UEVLD: variants seen among roughly 807,000 people sequenced by gnomAD.
The protein encoded by UEVLD is ubiquitin-conjugating enzyme E2 variant 3.
UEVLD carries 47 observed loss-of-function variants against 58.6 expected under a neutral mutation model. The ratio of observed to expected loss-of-function variants is 0.80; its 90% CI spans 0.63 to 1.02. UEVLD has a LOEUF of 1.02. Among genes scored for constraint, UEVLD ranks in the 50% least tolerant of loss-of-function variants. The pLI is 0.00. For synonymous variants in UEVLD, 197 were observed against 195.3 expected, an observed-to-expected ratio of 1.01 and a Z score of -0.07; for missense variants, 510 against 550.6, an observed-to-expected ratio of 0.93 and a Z score of 0.74.
At chr11:18,546,199 C>T (rs1851296408) in intron 8 of UEVLD, among the ~76,000 whole-genome samples, 1 of 152,146 alleles carries the variant, frequency 6.6e-6, no homozygotes, top group Non-Finnish European at 1.5e-5. Context: ...GTTAAAAATG[C>T]ACTCTGGCAT....
chr11:18,536,374 T>C (rs1850794156), intron 10 of UEVLD, 32 bp downstream of exon 10: 2 of 1,601,822 alleles, frequency 1.2e-6, no homozygotes, highest in Middle Eastern at 1.7e-4. Context: ...TGATTTTTCG[T>C]TGGATAAATG....
intron 9 of UEVLD, among the ~76,000 whole-genome samples, chr11:18,541,846 G>A (rs1168504325): frequency 6.6e-6 from 1 of 152,166 alleles, no homozygotes; most frequent in East Asian, 1.9e-4. Context: ...GCTGTGGGGT[G>A]GGCCTGGGAG....
intron 4 of UEVLD, among the ~76,000 whole-genome samples, chr11:18,566,785 T>A (rs551203228): frequency 1.1e-4 from 17 of 152,308 alleles, no homozygotes; most frequent in African/African-American, 3.6e-4. Flanking sequence ...ATGCTTTTCA[T>A]GAAAAATTAC....
At chr11:18,582,092 T>C (rs1853269973) in intron 1 of UEVLD, among the ~76,000 whole-genome samples, 2 of 152,206 alleles carry the variant, frequency 1.3e-5, no homozygotes, top group African/African-American at 2.4e-5. Flanking sequence ...GGCTGCATTG[T>C]TGTCACCTGG....
chr11:18,532,727 C>T (rs1057190171), intron 11 of UEVLD, among the ~76,000 whole-genome samples: 4 of 152,126 alleles, frequency 2.6e-5, no homozygotes, highest in Non-Finnish European at 2.9e-5. Flanking sequence ...CTTGGTCAGA[C>T]ACCCACTTTG....
chr11:18,541,537 A>G (rs903363540), intron 9 of UEVLD, among the ~76,000 whole-genome samples: 1 of 152,238 alleles, frequency 6.6e-6, no homozygotes, highest in Admixed American at 6.5e-5. Context: ...TTCAACTAAA[A>G]TAACTTAATA....
At position 18,536,471 on chromosome 11, in the gene UEVLD, TA is replaced by T. The variant is rs1565106134; in HGVS notation, c.1061-3del. The T allele has an allele frequency of 6.2e-7, 1 of 1,612,530 alleles. No individual in the cohort carries two copies. The highest frequency in any genetic ancestry group is 1.7e-4 in the Middle Eastern group (1 of 6,060). The stretch of plus-strand genomic sequence containing the variant: ...CTTCTTGGCCACTCCATGTGAGCAC[TA>T]AAATTAGATGAAGAATTAATTATGT... On this transcript the variant is annotated splice_polypyrimidine_tract_variant and splice_region_variant and intron_variant, in intron 9 of 11. Coordinates refer to ENST00000396197, the MANE Select transcript of UEVLD (RefSeq NM_001040697.4).
At chr11:18,584,775 G>A (rs923804772) in intron 1 of UEVLD, among the ~76,000 whole-genome samples, 2 of 152,098 alleles carry the variant, frequency 1.3e-5, no homozygotes, top group African/African-American at 2.4e-5. Context: ...TGGGACTACA[G>A]GCCCATTGCA....
intron 9 of UEVLD, among the ~76,000 whole-genome samples, chr11:18,541,091 T>C (rs894638243): frequency 6.6e-6 from 1 of 152,212 alleles, no homozygotes; most frequent in Admixed American, 6.5e-5. Context: ...TAGGTTAGGG[T>C]AAGTGGTATA....
At chr11:18,583,615 G>T (rs1388620206) in intron 1 of UEVLD, among the ~76,000 whole-genome samples, 4 of 131,306 alleles carry the variant, frequency 3.0e-5, no homozygotes, top group Non-Finnish European at 6.3e-5. Flanking sequence ...TTTATTAAAA[G>T]AAGTTTTTAG....
intron 10 of UEVLD, among the ~76,000 whole-genome samples, chr11:18,534,915 T>TGTGCAAAGATGTACATAATA (rs1404967388): frequency 6.6e-6 from 1 of 152,190 alleles, no homozygotes; most frequent in Non-Finnish European, 1.5e-5. Flanking sequence ...TATGCTCAAG[T>TGTGCAAAGATGTACATAATA]GTGCAAAGAT....
In UEVLD at chr11:18,529,636, A is replaced by C. The variant is rs988309309; in HGVS notation, c.*2684T>G. The C allele has an allele frequency of 3.9e-5, 6 of 152,212 alleles. No individual in the cohort carries two copies. The highest frequency in any genetic ancestry group is 1.4e-4 in the African/African-American group (6 of 41,460). The allele number at this position is 152,212 out of a possible 1,614,324, so 9.4% of individuals were successfully genotyped here. On this transcript the variant is annotated 3_prime_UTR_variant, in exon 12 of 12. Coordinates refer to ENST00000396197, the MANE Select transcript of UEVLD (RefSeq NM_001040697.4). Reference sequence around the variant, plus strand: ...ATTTTAAAATCAGTTTATTTTACTCATTATTCTTAATATTTAAGGAAAACA... The same window carrying C: ...ATTTTAAAATCAGTTTATTTTACTCCTTATTCTTAATATTTAAGGAAAACA...
At chr11:18,587,187 C>T (rs917196146) in intron 1 of UEVLD, among the ~76,000 whole-genome samples, 2 of 152,182 alleles carry the variant, frequency 1.3e-5, no homozygotes, top group African/African-American at 2.4e-5. Context: ...CAAAAATATG[C>T]TCTATGTTTG....
chr11:18,537,724 A>G (rs1258202611), intron 9 of UEVLD, among the ~76,000 whole-genome samples: 3 of 151,966 alleles, frequency 2.0e-5, no homozygotes, highest in African/African-American at 4.8e-5. Flanking sequence ...GTGCAGTGGC[A>G]CACTCTCAGC....
chr11:18,533,397 C>G (rs1850656327), intron 11 of UEVLD, among the ~76,000 whole-genome samples: 1 of 150,868 alleles, frequency 6.6e-6, no homozygotes, highest in Non-Finnish European at 1.5e-5. Flanking sequence ...AAAAAAAGCT[C>G]CCACGTGAGT....
rs559713849 is a variant in UEVLD, at chr11:18,570,112, T to C, written c.357+102A>G. 2.0e-5 allele frequency: 24 copies of C among 1,216,554 alleles called. No individual in the cohort carries two copies. The South Asian group carries it at 3.3e-4, about 17-fold the overall frequency. The allele number at this position is 1,216,554 out of a possible 1,614,324, so 75.4% of individuals were successfully genotyped here. On this transcript the variant is annotated intron_variant, in intron 4 of 11. Transcript: ENST00000396197. ...CCAAAGACTACATGAAGAATATCAT[T>C]GAAAGAAAATGCAGTATCATACTTA... is the stretch of plus-strand genomic sequence containing the variant.
chr11:18,559,001 A>G (rs186252875), intron 6 of UEVLD, among the ~76,000 whole-genome samples: 25 of 150,994 alleles, frequency 1.7e-4, no homozygotes, highest in African/African-American at 5.8e-4. Context: ...CAGCCTCCCA[A>G]ATAGCTGGGA....
chr11:18,568,692 ATT>A (rs1328861590), intron 4 of UEVLD, among the ~76,000 whole-genome samples: 1 of 152,072 alleles, frequency 6.6e-6, no homozygotes, highest in Non-Finnish European at 1.5e-5. Context: ...TGTTTTTTCT[ATT>A]TCTTTTTTCT....
chr11:18,552,259 T>C (rs1210571114), intron 7 of UEVLD, among the ~76,000 whole-genome samples: 2 of 152,178 alleles, frequency 1.3e-5, no homozygotes, highest in African/African-American at 4.8e-5. Flanking sequence ...AAAATCTTCC[T>C]GAAGGCTAGG....
Sources: gnomAD v4.1 joint callset for allele counts (sites outside exome capture counted in the v4.1 genomes callset) on GRCh38, gnomAD v4.1.1 for gene constraint, MANE v1.5 for transcripts, NCBI Gene and HGNC (gene_info 2026-07-23, HGNC 2026-07-21) for gene names.